Variants in OCA2 observed in about 807,000 individuals in gnomAD.
OCA2 encodes the protein OCA2 melanosomal transmembrane protein, also known as P protein.
Under a neutral mutation model 100.2 loss-of-function variants are expected in OCA2, and 77 were observed. That is an observed-to-expected ratio of 0.77 (90% confidence interval 0.64 to 0.93). The LOEUF is 0.93. OCA2 is among the 40% of genes least tolerant of loss of function. The pLI is 0.00. For synonymous variants in OCA2, 432 were observed against 439.2 expected, an observed-to-expected ratio of 0.98 and a Z score of 0.21; for missense variants, 1,062 against 1,089.1, an observed-to-expected ratio of 0.98 and a Z score of 0.35.
intron 14 of OCA2, among the ~76,000 whole-genome samples, chr15:27,970,456 G>C (rs1481994958): frequency 2.0e-5 from 3 of 152,184 alleles, no homozygotes; most frequent in African/African-American, 4.8e-5. Context: ...TGGCAGGAAC[G>C]CAGGAAAAAC....
intron 23 of OCA2, among the ~76,000 whole-genome samples, chr15:27,787,650 T>A (rs1282760815): frequency 1.3e-5 from 2 of 151,984 alleles, no homozygotes; most frequent in South Asian, 2.1e-4. Flanking sequence ...ATTAGTCTCA[T>A]GAACAATTTG....
chr15:28,017,868 T>C (rs946152716), intron 7 of OCA2, among the ~76,000 whole-genome samples: 17 of 151,954 alleles, frequency 1.1e-4, no homozygotes, highest in African/African-American at 3.9e-4. Context: ...GCCTCTGGAG[T>C]CTAGGCTCTG....
intron 21 of OCA2, among the ~76,000 whole-genome samples, chr15:27,867,546 T>C (rs1289177314): frequency 6.6e-6 from 1 of 152,180 alleles, no homozygotes; most frequent in Non-Finnish European, 1.5e-5. Flanking sequence ...AGAGCAGAGA[T>C]GGAGACCTCA....
At chr15:27,860,131 G>GA (rs2036078144) in intron 21 of OCA2, among the ~76,000 whole-genome samples, 2 of 152,026 alleles carry the variant, frequency 1.3e-5, no homozygotes, top group South Asian at 4.2e-4. Flanking sequence ...GTGTTATGGG[G>GA]AAAAAAATAA....
chr15:28,039,864 C>T (rs575121904), intron 2 of OCA2, among the ~76,000 whole-genome samples: 2 of 152,020 alleles, frequency 1.3e-5, no homozygotes, highest in Non-Finnish European at 2.9e-5. Flanking sequence ...GAAACCCTGT[C>T]TCTGCTAAAA....
intron 23 of OCA2, among the ~76,000 whole-genome samples, chr15:27,838,236 C>T (rs927179477): frequency 4.6e-5 from 7 of 152,114 alleles, no homozygotes; most frequent in East Asian, 1.9e-4. Context: ...GAGCAGAAAA[C>T]GACAAAACCA....
rs1262430028 is a variant in OCA2, at chr15:27,957,085, A to G, written c.1784+503T>C. ...CTCAGCAACATGTCATAGCAAGGAG[A>G]AAAACCACCAATTCATGGTTACCCT... On this transcript the variant is annotated intron_variant, in intron 16 of 23. Transcript: ENST00000354638. The surrounding 1 kb of genome is among the most constrained non-coding windows in gnomAD (Gnocchi z 4.3). Among the ~76,000 whole-genome samples, 1 of 152,210 alleles carries G rather than the reference A, an allele frequency of 6.6e-6. No individual in the cohort carries two copies. The highest frequency in any genetic ancestry group is 1.5e-5 in the Non-Finnish European group (1 of 68,042).
chr15:28,056,873 C>T (rs533229387), intron 2 of OCA2, among the ~76,000 whole-genome samples: 17 of 152,352 alleles, frequency 1.1e-4, no homozygotes, highest in Admixed American at 8.5e-4. Context: ...AGCCAGGCAA[C>T]GAGGACAGGG....
intron 21 of OCA2, among the ~76,000 whole-genome samples, chr15:27,868,239 CGAA>C (rs2036402524): frequency 6.6e-6 from 1 of 152,074 alleles, no homozygotes; most frequent in African/African-American, 2.4e-5. Flanking sequence ...ATCAGGCTCT[CGAA>C]GAAGAAATAG....
At chr15:28,001,258 AACAC>A (rs529780975) in intron 9 of OCA2, among the ~76,000 whole-genome samples, 3 of 150,310 alleles carry the variant, frequency 2.0e-5, no homozygotes, top group African/African-American at 7.3e-5. Context: ...TATACATACA[AACAC>A]ACACACACAC....
chr15:27,885,173 A>C (rs995659503), intron 19 of OCA2, among the ~76,000 whole-genome samples: 1 of 152,258 alleles, frequency 6.6e-6, no homozygotes, highest in African/African-American at 2.4e-5. Flanking sequence ...ACAGTTAGCC[A>C]GGAAGAACTT....
chr15:28,009,057 C>T (rs74958511), intron 9 of OCA2, among the ~76,000 whole-genome samples: 152 of 152,350 alleles, frequency 1.0e-3, no homozygotes, highest in African/African-American at 3.4e-3. Context: ...GCAATGTTGG[C>T]TCCACTGCTG....
intron 23 of OCA2, among the ~76,000 whole-genome samples, chr15:27,783,720 G>T (rs1367243921): frequency 6.6e-6 from 1 of 152,228 alleles, no homozygotes; most frequent in Non-Finnish European, 1.5e-5. Flanking sequence ...ACACTCCCTT[G>T]TACCCTCTCA....
chr15:27,835,345 C>T (rs939434712), intron 23 of OCA2, among the ~76,000 whole-genome samples: 1 of 152,218 alleles, frequency 6.6e-6, no homozygotes, highest in African/African-American at 2.4e-5. Flanking sequence ...CATCAAGAAG[C>T]TCCTTCCCCT....
chr15:27,843,184 T>C (rs999934787), intron 23 of OCA2, among the ~76,000 whole-genome samples: 2 of 152,156 alleles, frequency 1.3e-5, no homozygotes, highest in Non-Finnish European at 2.9e-5. Context: ...GTGTATAGTA[T>C]GCTTGGCCAA....
At chr15:27,920,433 G>C (rs759938930) in intron 19 of OCA2, among the ~76,000 whole-genome samples, 3 of 152,014 alleles carry the variant, frequency 2.0e-5, no homozygotes, top group Non-Finnish European at 4.4e-5. Flanking sequence ...AATTCAGGGA[G>C]ATAAATCAGC....
intron 18 of OCA2, among the ~76,000 whole-genome samples, chr15:27,935,384 G>T (rs1214161211): frequency 6.6e-6 from 1 of 152,140 alleles, no homozygotes; most frequent in East Asian, 1.9e-4. Context: ...CTCCAACAGA[G>T]TCAAGTTTCT....
intron 2 of OCA2, among the ~76,000 whole-genome samples, chr15:28,058,982 T>G (rs1377481852): frequency 6.6e-6 from 1 of 152,186 alleles, no homozygotes; most frequent in Non-Finnish European, 1.5e-5. Context: ...TGGTGCTGGA[T>G]GAAGGGGCAC....
At chr15:27,871,770 C>A (rs1046110157) in intron 20 of OCA2, 93 bp downstream of exon 20, 3 of 902,422 alleles carry the variant, frequency 3.3e-6, no homozygotes, top group African/African-American at 3.3e-5. Context: ...ATTAATGGGA[C>A]CTGTTCTTAC....
Sources: allele counts gnomAD v4.1 joint callset (sites outside exome capture counted in the v4.1 genomes callset), GRCh38; gene constraint gnomAD v4.1.1; non-coding constraint Gnocchi (gnomAD v3.1); transcripts MANE v1.5; gene names NCBI Gene and HGNC (gene_info 2026-07-23, HGNC 2026-07-21).